The following SPATA16 variants were observed in gnomAD, a reference collection of about 807,000 sequenced individuals.
SPATA16 encodes spermatogenesis-associated protein 16.
A neutral mutation model predicts 63.3 loss-of-function variants in SPATA16; 36 were observed. The ratio of observed to expected loss-of-function variants is 0.57; its 90% CI spans 0.44 to 0.75. The LOEUF (loss-of-function observed/expected upper bound fraction) is 0.75, where lower values mean the gene tolerates loss of function less well. SPATA16 is among the 30% of genes least tolerant of loss of function. The pLI, the probability that SPATA16 is intolerant of heterozygous loss-of-function variation, is 0.00. For missense variants in SPATA16, 646 were observed against 679.3 expected, an observed-to-expected ratio of 0.95 and a Z score of 0.54; for synonymous variants, 203 against 216.7, an observed-to-expected ratio of 0.94 and a Z score of 0.56.
intron 8 of SPATA16, among the ~76,000 whole-genome samples, chr3:172,920,059 T>C (rs1293131514): frequency 6.6e-6 from 1 of 152,202 alleles, no homozygotes; most frequent in Admixed American, 6.5e-5. Flanking sequence ...GTTATGCATG[T>C]TTTGCCTCTG....
chr3:173,027,439 C>T (rs536316986), intron 3 of SPATA16, among the ~76,000 whole-genome samples: 1 of 151,992 alleles, frequency 6.6e-6, no homozygotes, highest in South Asian at 2.1e-4. Context: ...TTATCACCTC[C>T]AGTACCATTT....
intron 5 of SPATA16, among the ~76,000 whole-genome samples, chr3:172,967,129 A>G (rs1182566275): frequency 6.6e-6 from 1 of 152,234 alleles, no homozygotes. Context: ...GGAATCAAAT[A>G]TCTAGACCTA....
intron 4 of SPATA16, 53 bp downstream of exon 4, chr3:173,019,433 A>G: frequency 6.8e-7 from 1 of 1,462,468 alleles, no homozygotes; most frequent in Non-Finnish European, 9.6e-7. Flanking sequence ...GAATTTGAGA[A>G]TAAAATTAAT....
rs142049847 is a variant in SPATA16, at chr3:173,086,585, G to A, written c.612+30535C>T. ...ATTTCTTGTATTCTGCTAGCTTTAT[G>A]GTTTGTTTGCTCTTGGTTCTTTAGT... On this transcript the variant is annotated intron_variant, in intron 2 of 10. Transcript: ENST00000351008. Among the ~76,000 whole-genome samples, 337 of 151,930 alleles carry A rather than the reference G, an allele frequency of 2.2e-3. 1 individual carries two copies. The highest frequency in any genetic ancestry group is 7.7e-3 in the African/African-American group (319 of 41,456).
At chr3:173,051,449 A>T (rs778807437) in intron 2 of SPATA16, among the ~76,000 whole-genome samples, 2 of 151,924 alleles carry the variant, frequency 1.3e-5, no homozygotes, top group Non-Finnish European at 1.5e-5. Flanking sequence ...TGATCCACCC[A>T]CCTTGGCCTC....
chr3:172,943,916 G>C (rs530582303), intron 6 of SPATA16, among the ~76,000 whole-genome samples: 1 of 152,060 alleles, frequency 6.6e-6, no homozygotes, highest in African/African-American at 2.4e-5. Context: ...CATGCAAATT[G>C]TAAGAATATA....
rs980313840 is a variant in SPATA16 at position 172,932,311 on chromosome 3, A to G, written c.1082-6819T>C. Among the ~76,000 whole-genome samples the G allele has an allele frequency of 3.9e-5, 6 of 152,226 alleles. No individual in the cohort carries two copies. In the East Asian group the frequency reaches 7.7e-4, roughly 20 times the overall value. On this transcript the variant is annotated intron_variant, in intron 6 of 10. Coordinates refer to ENST00000351008, the MANE Select transcript of SPATA16 (RefSeq NM_031955.6). ...TGTTGGGGTCTATCATTACTTTTCTATAAGTTTCATTTTCTCCTCTCTTTT... is the reference window on the plus strand; with the variant it reads ...TGTTGGGGTCTATCATTACTTTTCTGTAAGTTTCATTTTCTCCTCTCTTTT...
At chr3:173,053,932 T>G (rs1736156324) in intron 2 of SPATA16, among the ~76,000 whole-genome samples, 2 of 152,144 alleles carry the variant, frequency 1.3e-5, no homozygotes, top group Non-Finnish European at 2.9e-5. Flanking sequence ...TGCCATTAAC[T>G]TTTGCCATAT....
intron 4 of SPATA16, among the ~76,000 whole-genome samples, chr3:172,995,176 AGT>A (rs1734669038): frequency 6.6e-6 from 1 of 152,096 alleles, no homozygotes; most frequent in Non-Finnish European, 1.5e-5. Context: ...GTTTTTAGGC[AGT>A]GAGTTGAGTA....
intron 2 of SPATA16, among the ~76,000 whole-genome samples, chr3:173,098,044 A>G (rs796496739): frequency 4.6e-5 from 7 of 152,276 alleles, no homozygotes; most frequent in African/African-American, 1.7e-4. Flanking sequence ...AAATGAAAAC[A>G]AAAATTATCT....
intron 2 of SPATA16, among the ~76,000 whole-genome samples, chr3:173,054,063 GAAAAT>G (rs1736160172): frequency 6.6e-6 from 1 of 151,426 alleles, no homozygotes; most frequent in South Asian, 2.1e-4. Context: ...TTTAAAATTG[GAAAAT>G]AAAAGTATAT....
At chr3:173,077,236 C>T (rs1736828860) in intron 2 of SPATA16, among the ~76,000 whole-genome samples, 1 of 151,860 alleles carries the variant, frequency 6.6e-6, no homozygotes, top group South Asian at 2.1e-4. Flanking sequence ...TTTTTTTTCA[C>T]AAAGTTTGTT....
intron 2 of SPATA16, among the ~76,000 whole-genome samples, chr3:173,106,795 C>T (rs1737631647): frequency 6.6e-6 from 1 of 152,152 alleles, no homozygotes; most frequent in Non-Finnish European, 1.5e-5. Flanking sequence ...ATCTTCCTTC[C>T]CCTCTCCCTC....
chr3:173,099,816 G>A (rs1811763), intron 2 of SPATA16, among the ~76,000 whole-genome samples: 15,945 of 152,178 alleles, frequency 0.1, 1,104 homozygotes, highest in Admixed American at 0.17. Flanking sequence ...GTCAGCATGC[G>A]CTTATGGAGA....
At chr3:172,983,871 T>C (rs1354366516) in intron 4 of SPATA16, among the ~76,000 whole-genome samples, 1 of 151,974 alleles carries the variant, frequency 6.6e-6, no homozygotes, top group Non-Finnish European at 1.5e-5. Flanking sequence ...AAACCCAACC[T>C]CCTATGGTAG....
At chr3:173,067,083 C>CTCAAAGG (rs1324398346) in intron 2 of SPATA16, among the ~76,000 whole-genome samples, 2 of 151,712 alleles carry the variant, frequency 1.3e-5, no homozygotes, top group Non-Finnish European at 2.9e-5. Flanking sequence ...ATTTAGTGAG[C>CTCAAAGG]TCAAAGGTAG....
chr3:172,979,130 G>A (rs1229309264), intron 4 of SPATA16, among the ~76,000 whole-genome samples: 2 of 152,126 alleles, frequency 1.3e-5, no homozygotes, highest in African/African-American at 2.4e-5. Context: ...CCAGCTACTC[G>A]GGAGGCTGAG....
chr3:172,931,751 C>T (rs879385215), intron 6 of SPATA16, among the ~76,000 whole-genome samples: 1 of 152,124 alleles, frequency 6.6e-6, no homozygotes, highest in Non-Finnish European at 1.5e-5. Flanking sequence ...AAAAAAATCA[C>T]CTTATCTTTG....
chr3:173,103,096 T>A (rs1737533874), intron 2 of SPATA16, among the ~76,000 whole-genome samples: 1 of 152,188 alleles, frequency 6.6e-6, no homozygotes, highest in Admixed American at 6.5e-5. Context: ...GCAATCCCAA[T>A]ATAAGGGGTG....
Sources: gnomAD v4.1 joint callset for allele counts (sites outside exome capture counted in the v4.1 genomes callset) on GRCh38, gnomAD v4.1.1 for gene constraint, MANE v1.5 for transcripts, NCBI Gene and HGNC (gene_info 2026-07-23, HGNC 2026-07-21) for gene names.